Variants in SGCZ observed in about 807,000 individuals in gnomAD.
SGCZ encodes the protein sarcoglycan zeta.
A neutral mutation model predicts 41.3 loss-of-function variants in SGCZ; 40 were observed. The ratio of observed to expected loss-of-function variants is 0.97; its 90% CI spans 0.75 to 1.26. The LOEUF (loss-of-function observed/expected upper bound fraction) is 1.26, where lower values mean the gene tolerates loss of function less well. SGCZ is among the 50% of genes most tolerant of loss of function. The pLI, the probability that SGCZ is intolerant of heterozygous loss-of-function variation, is 0.00. For missense variants in SGCZ, 552 were observed against 369.8 expected (o/e 1.49, Z -4.04); for synonymous variants, 206 against 137.5 (o/e 1.50, Z -3.49).
chr8:14,794,970 T>A (rs983406931), intron 1 of SGCZ, among the ~76,000 whole-genome samples: 3 of 152,168 alleles, frequency 2.0e-5, no homozygotes, highest in Admixed American at 2.0e-4. Context: ...CACAATAACA[T>A]CACTTTCAGA....
chr8:14,360,213 GC>G (rs1430897165), intron 2 of SGCZ, among the ~76,000 whole-genome samples: 1 of 152,006 alleles, frequency 6.6e-6, no homozygotes, highest in Non-Finnish European at 1.5e-5. Flanking sequence ...AGACAAGGAT[GC>G]CCACTTTCAC....
chr8:14,405,548 C>T (rs1035790321), intron 2 of SGCZ, among the ~76,000 whole-genome samples: 1 of 152,028 alleles, frequency 6.6e-6, no homozygotes, highest in Admixed American at 6.6e-5. Context: ...TTTAATATAG[C>T]CTTATGCCAA....
rs1461454079 is a variant in SGCZ, at chr8:14,700,833, G to A, written c.40-145907C>T. Among the ~76,000 whole-genome samples, 13 of 151,574 alleles carry A rather than the reference G, an allele frequency of 8.6e-5. No individual in the cohort carries two copies. In the Admixed American group the frequency reaches 8.6e-4, roughly 10 times the overall value. ...AAGGCCAACTGCCACCACAAAGGGA[G>A]GTGATAGAAAACAAAGCTTATTAAA... is the stretch of plus-strand genomic sequence containing the variant. On this transcript the variant is annotated intron_variant, in intron 1 of 7. Transcript: ENST00000382080.
At chr8:14,817,094 TC>T (rs1801927317) in intron 1 of SGCZ, among the ~76,000 whole-genome samples, 1 of 152,124 alleles carries the variant, frequency 6.6e-6, no homozygotes, top group South Asian at 2.1e-4. Context: ...TTGGTTCATC[TC>T]CCCTTCCCAG....
chr8:15,141,269 C>G (rs1465533332), intron 1 of SGCZ, among the ~76,000 whole-genome samples: 1 of 152,200 alleles, frequency 6.6e-6, no homozygotes, highest in Non-Finnish European at 1.5e-5. Context: ...GATTCAAACC[C>G]ACTGCAGTCT....
intron 1 of SGCZ, among the ~76,000 whole-genome samples, chr8:14,885,176 T>C (rs1258352276): frequency 6.6e-6 from 1 of 152,194 alleles, no homozygotes; most frequent in Non-Finnish European, 1.5e-5. Context: ...AATCTCTATT[T>C]AATATGTCCA....
chr8:14,186,880 A>C (rs1804922046), intron 4 of SGCZ, among the ~76,000 whole-genome samples: 1 of 152,240 alleles, frequency 6.6e-6, no homozygotes, highest in Admixed American at 6.5e-5. Context: ...GACAGTTAAG[A>C]GCTCTGAGTC....
intron 1 of SGCZ, among the ~76,000 whole-genome samples, chr8:15,224,205 T>A (rs1005339849): frequency 1.3e-5 from 2 of 152,164 alleles, no homozygotes; most frequent in African/African-American, 4.8e-5. Context: ...TAAACTCTAT[T>A]TATAACAGAG....
intron 1 of SGCZ, among the ~76,000 whole-genome samples, chr8:14,806,847 A>C (rs1801548492): frequency 6.6e-6 from 1 of 151,686 alleles, no homozygotes; most frequent in Admixed American, 6.6e-5. Context: ...ATACTGGCAA[A>C]ACGAATCCAG....
chr8:14,401,409 G>A (rs1011758892), intron 2 of SGCZ, among the ~76,000 whole-genome samples: 3 of 147,688 alleles, frequency 2.0e-5, no homozygotes, highest in African/African-American at 7.7e-5. Context: ...CTAGCATTAG[G>A]TATATCTCCT....
intron 1 of SGCZ, among the ~76,000 whole-genome samples, chr8:15,216,783 A>G (rs994923443): frequency 8.5e-5 from 13 of 152,122 alleles, no homozygotes; most frequent in Non-Finnish European, 1.8e-4. Context: ...AGTTACAAAC[A>G]GAAGACTAGA....
chr8:15,219,523 A>C (rs1430187631), intron 1 of SGCZ, among the ~76,000 whole-genome samples: 3 of 152,220 alleles, frequency 2.0e-5, no homozygotes, highest in African/African-American at 7.2e-5. Flanking sequence ...TTTTATGTCT[A>C]TGATGGGAAT....
intron 5 of SGCZ, among the ~76,000 whole-genome samples, chr8:14,117,232 G>C (rs1202793069): frequency 6.6e-6 from 1 of 151,954 alleles, no homozygotes; most frequent in East Asian, 1.9e-4. Flanking sequence ...ATAAGTCAGA[G>C]GTAAAATACA....
chr8:14,965,295 C>T (rs1231230097), intron 1 of SGCZ, among the ~76,000 whole-genome samples: 3 of 152,126 alleles, frequency 2.0e-5, no homozygotes, highest in Non-Finnish European at 4.4e-5. Context: ...CGATGTTTAA[C>T]CTCCAGCCAA....
chr8:15,032,843 C>T (rs1051479679), intron 1 of SGCZ, among the ~76,000 whole-genome samples: 3 of 152,148 alleles, frequency 2.0e-5, no homozygotes, highest in African/African-American at 7.2e-5. Context: ...AGGCCAGCCT[C>T]TGTGGATACA....
At chr8:15,034,486 G>C (rs1803798107) in intron 1 of SGCZ, among the ~76,000 whole-genome samples, 2 of 152,126 alleles carry the variant, frequency 1.3e-5, no homozygotes, top group Admixed American at 1.3e-4. Context: ...AAGATCAAGT[G>C]TTAGAGTTAT....
chr8:14,362,993 C>T (rs1803580987), intron 2 of SGCZ, among the ~76,000 whole-genome samples: 1 of 151,882 alleles, frequency 6.6e-6, no homozygotes. Flanking sequence ...TTTTTTTCAA[C>T]AAATTTCTTA....
chr8:14,712,571 G>C (rs1360249849), intron 1 of SGCZ, among the ~76,000 whole-genome samples: 1 of 152,118 alleles, frequency 6.6e-6, no homozygotes, highest in African/African-American at 2.4e-5. Flanking sequence ...GAGACAAATG[G>C]TATCTCTGAG....
intron 1 of SGCZ, among the ~76,000 whole-genome samples, chr8:15,163,086 G>A (rs1311589092): frequency 6.6e-6 from 1 of 152,190 alleles, no homozygotes; most frequent in Non-Finnish European, 1.5e-5. Flanking sequence ...CCAAAGAACT[G>A]GACGCCTTTG....
Sources: gnomAD v4.1 joint callset for allele counts (sites outside exome capture counted in the v4.1 genomes callset) on GRCh38, gnomAD v4.1.1 for gene constraint, MANE v1.5 for transcripts, NCBI Gene and HGNC (gene_info 2026-07-23, HGNC 2026-07-21) for gene names.